BBS9: variants seen among roughly 807,000 people sequenced by gnomAD.
The protein encoded by BBS9 is protein PTHB1.
Under a neutral mutation model 117.7 loss-of-function variants are expected in BBS9, and 89 were observed. That is an observed-to-expected ratio of 0.76 (90% CI 0.64 to 0.90). The LOEUF (loss-of-function observed/expected upper bound fraction) is 0.90, where lower values mean the gene tolerates loss of function less well. BBS9 is among the 40% of genes least tolerant of loss of function. The probability of loss-of-function intolerance (pLI) is 0.00; values close to 1 mark genes in which losing one functional copy is unlikely to be tolerated. For synonymous variants in BBS9, 379 were observed against 370.9 expected, an observed-to-expected ratio of 1.02 and a Z score of -0.25; for missense variants, 982 against 1,042.2, an observed-to-expected ratio of 0.94 and a Z score of 0.80.
intron 21 of BBS9, among the ~76,000 whole-genome samples, chr7:33,598,317 G>A (rs1168823149): frequency 6.6e-6 from 1 of 151,870 alleles, no homozygotes; most frequent in East Asian, 1.9e-4. Flanking sequence ...AAAGTATCAT[G>A]CAATATACCT....
At chr7:33,194,184 G>A (rs56802431) in intron 5 of BBS9, among the ~76,000 whole-genome samples, 5,937 of 152,192 alleles carry the variant, frequency 0.039, 335 homozygotes, top group East Asian at 0.27. Flanking sequence ...GGTATTATGG[G>A]CATTTCCATT....
At chr7:33,132,233 C>T (rs1349768959) in intron 1 of BBS9, among the ~76,000 whole-genome samples, 1 of 152,184 alleles carries the variant, frequency 6.6e-6, no homozygotes, top group Non-Finnish European at 1.5e-5. Context: ...CTGGAGTAGA[C>T]AGTCTGGGTT....
At chr7:33,481,554 A>G (rs1018756652) in intron 19 of BBS9, among the ~76,000 whole-genome samples, 32 of 152,238 alleles carry the variant, frequency 2.1e-4, no homozygotes, top group African/African-American at 7.7e-4. Context: ...ATGTGATACA[A>G]TGTGATGAAT....
chr7:33,412,930 A>G (rs1172796781), intron 19 of BBS9, among the ~76,000 whole-genome samples: 2 of 152,232 alleles, frequency 1.3e-5, no homozygotes, highest in East Asian at 1.9e-4. Context: ...TATTCTTAAA[A>G]TAAAAAATGA....
chr7:33,546,019 C>T (rs191094777), intron 21 of BBS9, among the ~76,000 whole-genome samples: 2,026 of 144,444 alleles, frequency 0.014, 22 homozygotes, highest in Non-Finnish European at 0.021. Context: ...CTGCAAGCTC[C>T]GCCTCCCAGG....
chr7:33,397,827 G>A (rs1297603736), intron 19 of BBS9, among the ~76,000 whole-genome samples: 1 of 152,080 alleles, frequency 6.6e-6, no homozygotes, highest in East Asian at 1.9e-4. Flanking sequence ...TGGGAGTGGG[G>A]TCAGGGGAGG....
Position 33,391,913 on chromosome 7 carries a change from T to C in BBS9, c.2115+3769T>C, listed in dbSNP as rs17724469. Among the ~76,000 whole-genome samples, 1,075 of 152,362 alleles carry C rather than the reference T, an allele frequency of 7.1e-3. 11 individuals carry two copies. The highest frequency in any genetic ancestry group is 0.012 in the Non-Finnish European group (807 of 68,026). ...AAAAACGTTTGTGTAGTAAAATCTG[T>C]CCATCTTTTTCGTTTAGGTTTCTCT... On this transcript the variant is annotated intron_variant, in intron 19 of 22. Coordinates refer to ENST00000242067, the MANE Select transcript of BBS9 (RefSeq NM_198428.3).
intron 9 of BBS9, among the ~76,000 whole-genome samples, chr7:33,324,974 G>A (rs1173845732): frequency 6.6e-6 from 1 of 152,068 alleles, no homozygotes; most frequent in Non-Finnish European, 1.5e-5. Context: ...TGTCAAATTG[G>A]CTTGCTGTTC....
intron 9 of BBS9, among the ~76,000 whole-genome samples, chr7:33,334,617 G>C (rs1284768734): frequency 6.6e-6 from 1 of 152,086 alleles, no homozygotes; most frequent in East Asian, 1.9e-4. Flanking sequence ...AAACCCAAAG[G>C]TACTCTGGGG....
intron 12 of BBS9, among the ~76,000 whole-genome samples, chr7:33,345,733 G>A (rs1817470281): frequency 6.6e-6 from 1 of 152,168 alleles, no homozygotes; most frequent in Non-Finnish European, 1.5e-5. Context: ...TAACTGTCGA[G>A]TTCCAGGAAT....
intron 21 of BBS9, among the ~76,000 whole-genome samples, chr7:33,632,283 C>G (rs1462070097): frequency 6.6e-6 from 1 of 152,204 alleles, no homozygotes; most frequent in Non-Finnish European, 1.5e-5. Flanking sequence ...GCAGCGCCCC[C>G]TGAGAAATGT....
chr7:33,257,038 C>T (rs1797185871), intron 5 of BBS9, among the ~76,000 whole-genome samples, 198 bp from the exon 6 acceptor site: 1 of 152,018 alleles, frequency 6.6e-6, no homozygotes, highest in Non-Finnish European at 1.5e-5. Flanking sequence ...GTAGAAGACA[C>T]CTCAGAATTA....
At position 33,339,423 on chromosome 7, in the gene BBS9, T is replaced by G. The variant is rs533527608; in HGVS notation, c.1199-1474T>G. ...TAAGTAAAGAAGAATTGAAGAATGG[T>G]TATTGGGATGGGCAATGAACAGCCA... On this transcript the variant is annotated intron_variant, in intron 10 of 22. Coordinates refer to ENST00000242067, the MANE Select transcript of BBS9 (RefSeq NM_198428.3). 2.0e-5 allele frequency among the ~76,000 whole-genome samples: 3 copies of G among 152,256 alleles called. No homozygotes were observed. The South Asian group carries it at 6.2e-4, about 32-fold the overall frequency.
rs999910789 is a variant in BBS9, at chr7:33,225,667, T to C, written c.443-31569T>C. ...TCTTTTATATTTCCTCTCCCAGAAC[T>C]GGAATCAGCCACTTCTTTAAGGAGC... On this transcript the variant is annotated intron_variant, in intron 5 of 22. Coordinates refer to ENST00000242067, the MANE Select transcript of BBS9 (RefSeq NM_198428.3). 2.7e-4 allele frequency among the ~76,000 whole-genome samples: 41 copies of C among 151,478 alleles called. 1 individual carries two copies. Among genetic ancestry groups the C allele is most frequent in the African/African-American group, 9.4e-4 (39 of 41,394 alleles).
intron 4 of BBS9, among the ~76,000 whole-genome samples, chr7:33,166,765 C>A (rs1419314224): frequency 6.6e-6 from 1 of 152,232 alleles, no homozygotes; most frequent in Non-Finnish European, 1.5e-5. Context: ...AGGAGTGTCC[C>A]GTTTTTCCAC....
At chr7:33,264,224 G>C (rs1313040930) in intron 6 of BBS9, 66 bp from the exon 7 acceptor site, 11 of 859,692 alleles carry the variant, frequency 1.3e-5, no homozygotes, top group Non-Finnish European at 1.8e-5. Context: ...TACTTTTAAA[G>C]TTTAAAATAA....
intron 9 of BBS9, among the ~76,000 whole-genome samples, chr7:33,306,624 T>C (rs938526545): frequency 6.6e-6 from 1 of 152,136 alleles, no homozygotes; most frequent in Middle Eastern, 3.2e-3. Context: ...GGAAAGTATC[T>C]GAAGCATTTT....
chr7:33,238,851 A>G (rs1443960497), intron 5 of BBS9, among the ~76,000 whole-genome samples: 1 of 152,160 alleles, frequency 6.6e-6, no homozygotes, highest in Non-Finnish European at 1.5e-5. Flanking sequence ...ATTCTATTGC[A>G]ATATAAATCT....
intron 2 of BBS9, among the ~76,000 whole-genome samples, chr7:33,151,367 A>T (rs1562683737): frequency 6.6e-6 from 1 of 152,018 alleles, no homozygotes. Context: ...GCCACAAGTG[A>T]CAGGAAACTG....
Sources: allele counts gnomAD v4.1 joint callset (sites outside exome capture counted in the v4.1 genomes callset), GRCh38; gene constraint gnomAD v4.1.1; transcripts MANE v1.5; gene names NCBI Gene and HGNC (gene_info 2026-07-23, HGNC 2026-07-21).